The following ZNF560 variants were observed in gnomAD, a reference collection of about 807,000 sequenced individuals.
ZNF560 encodes the protein zinc finger protein 560.
A neutral mutation model predicts 81.8 loss-of-function variants in ZNF560; 54 were observed. The ratio of observed to expected loss-of-function variants is 0.66; its 90% confidence interval spans 0.53 to 0.83. ZNF560 has a LOEUF of 0.83. ZNF560 is among the 40% of genes least tolerant of loss of function. ZNF560 has a pLI of 0.00. For synonymous variants in ZNF560, 321 were observed against 317.9 expected, an observed-to-expected ratio of 1.01 and a Z score of -0.10; for missense variants, 940 against 932.4, an observed-to-expected ratio of 1.01 and a Z score of -0.11.
chr19:9,453,933 A>G, the ZNF560 span, among the ~76,000 whole-genome samples: 2 of 152,250 alleles, frequency 1.3e-5, no homozygotes, highest in Non-Finnish European at 2.9e-5. Flanking sequence ...GCCTGGACAT[A>G]AACAGGCCAT....
chr19:9,450,394 C>G, the ZNF560 span, among the ~76,000 whole-genome samples: 2 of 152,090 alleles, frequency 1.3e-5, 1 homozygote, highest in Non-Finnish European at 2.9e-5. Flanking sequence ...AAAAGGCACG[C>G]AAATAGGACT....
intron 2 of ZNF560, among the ~76,000 whole-genome samples, chr19:9,481,480 C>G (rs1477711428): frequency 1.3e-5 from 2 of 152,174 alleles, no homozygotes; most frequent in African/African-American, 4.8e-5. Context: ...TCAGAGTGAA[C>G]AGGCAACCTA....
the ZNF560 span, among the ~76,000 whole-genome samples, chr19:9,456,677 T>C: frequency 1.3e-5 from 2 of 152,218 alleles, no homozygotes; most frequent in South Asian, 4.1e-4. Context: ...TTTAACATAG[T>C]TGGAGTTGAT....
chr19:9,467,383 C>T lies in ZNF560; in HGVS notation c.1564G>A (p.Gly522Arg), dbSNP rs2073042850. 1.9e-6 allele frequency: 3 copies of T among 1,614,042 alleles called. No homozygotes were observed. The highest frequency in any genetic ancestry group is 2.7e-5 in the African/African-American group (2 of 74,918). The change falls in exon 10 of 10, where the codon GGG (glycine) becomes AGG (arginine). Residue 522 changes from glycine to arginine, a missense_variant. Transcript: ENST00000301480. ...GEKPFKCYKC[G>R]KPFTSSACLR... ...CAGGCAGAAGAGGTAAATGGTTTCC[C>T]ACATTTGTAACACTTAAAGGGCTTC...
chr19:9,451,806 G>A, the ZNF560 span, among the ~76,000 whole-genome samples: 3 of 152,274 alleles, frequency 2.0e-5, no homozygotes, highest in South Asian at 2.1e-4. Flanking sequence ...TTGGCGCAGT[G>A]TCTCACACCT....
downstream of ZNF560, among the ~76,000 whole-genome samples, chr19:9,462,187 A>C (rs1373461424): frequency 6.6e-6 from 1 of 152,234 alleles, no homozygotes; most frequent in African/African-American, 2.4e-5. Context: ...AGATCTCTGC[A>C]GCACTGTGAC....
chr19:9,464,016 G>C (rs766002459), downstream of ZNF560, among the ~76,000 whole-genome samples: 1 of 152,160 alleles, frequency 6.6e-6, no homozygotes, highest in African/African-American at 2.4e-5. Flanking sequence ...TGAAGCTTTG[G>C]ATTACCATTA....
At chr19:9,458,991 C>A in the ZNF560 span, among the ~76,000 whole-genome samples, 2 of 152,210 alleles carry the variant, frequency 1.3e-5, no homozygotes, top group African/African-American at 4.8e-5. Flanking sequence ...CTGTGTTAAA[C>A]ATCACCTTTT....
chr19:9,469,746 T>C (rs1222334197), intron 7 of ZNF560, 36 bp from the exon 8 acceptor site: 2 of 1,596,242 alleles, frequency 1.3e-6, no homozygotes, highest in Admixed American at 3.3e-5. Context: ...TGGAAGAGGC[T>C]CATGCAAGAA....
chr19:9,468,052 T>C lies in ZNF560; in HGVS notation c.895A>G (p.Lys299Glu), dbSNP rs2073059688. ...AGGTATGACTGATAAATGAAGGCTT[T>C]CCCATAGTCAGTGCCTTCAAAGGAT... ...DKSFEGTDYG[K>E]AFIYQSYLEA... The change falls in exon 10 of 10, where the codon AAA becomes GAA. Residue 299 changes from lysine to glutamate, a missense_variant. Lys to Glu is a moderately conservative substitution (Grantham distance 56). Coordinates refer to ENST00000301480, the MANE Select transcript of ZNF560 (RefSeq NM_152476.3). 1 of 1,614,234 alleles carries C rather than the reference T, an allele frequency of 6.2e-7. No homozygotes were observed. Among genetic ancestry groups the C allele is most frequent in the Non-Finnish European group, 8.5e-7 (1 of 1,180,040 alleles).
At chr19:9,479,289 G>C (rs1264852714) in intron 2 of ZNF560, among the ~76,000 whole-genome samples, 2 of 150,868 alleles carry the variant, frequency 1.3e-5, no homozygotes, top group Non-Finnish European at 2.9e-5. Context: ...TTCAAAGACA[G>C]AATGGCCAAG....
At chr19:9,459,944 T>G in the ZNF560 span, among the ~76,000 whole-genome samples, 1 of 151,992 alleles carries the variant, frequency 6.6e-6, no homozygotes, top group Non-Finnish European at 1.5e-5. Context: ...CTCTTTTACA[T>G]TATGTCAGAC....
chr19:9,469,558 T>G lies in ZNF560; in HGVS notation c.529+72A>C. 5.7e-6 allele frequency: 8 copies of G among 1,408,496 alleles called. No individual in the cohort carries two copies. The South Asian group carries it at 9.2e-5, about 16-fold the overall frequency. 87.2% of individuals were successfully genotyped at this position (1,408,496 alleles called of 1,614,324 possible). On this transcript the variant is annotated intron_variant, in intron 8 of 9. Coordinates refer to ENST00000301480, the MANE Select transcript of ZNF560 (RefSeq NM_152476.3). Reference sequence around the variant, plus strand: ...GCCTTCTGATTCAAAGGGCATCTTATAAAACTTCATTGTGCTTCCAAACGT... The same window carrying G: ...GCCTTCTGATTCAAAGGGCATCTTAGAAAACTTCATTGTGCTTCCAAACGT...
intron 7 of ZNF560, 26 bp downstream of exon 7, chr19:9,470,366 G>A (rs761871126): frequency 1.1e-5 from 17 of 1,589,582 alleles, no homozygotes; most frequent in Non-Finnish European, 1.4e-5. Context: ...TCCAGAATAG[G>A]CTACAAGGGA....
At chr19:9,445,919 T>C in the ZNF560 span, among the ~76,000 whole-genome samples, 1 of 152,132 alleles carries the variant, frequency 6.6e-6, no homozygotes, top group Non-Finnish European at 1.5e-5. Flanking sequence ...ACATTCCAGC[T>C]CTCAAAGTCT....
chr19:9,480,797 T>C (rs1324024948), intron 2 of ZNF560, among the ~76,000 whole-genome samples: 1 of 151,934 alleles, frequency 6.6e-6, no homozygotes, highest in Admixed American at 6.6e-5. Context: ...CTTTCAAAAA[T>C]AGCTGGGACT....
the ZNF560 span, among the ~76,000 whole-genome samples, chr19:9,461,135 A>G: frequency 2.6e-5 from 4 of 152,222 alleles, no homozygotes; most frequent in Non-Finnish European, 4.4e-5. Flanking sequence ...GAAGGAAAAT[A>G]TACTATGCCA....
At chr19:9,451,302 A>G in the ZNF560 span, among the ~76,000 whole-genome samples, 4 of 152,176 alleles carry the variant, frequency 2.6e-5, no homozygotes, top group Admixed American at 1.3e-4. Context: ...ATCAAGGTTA[A>G]AAAATAAAAG....
chr19:9,469,291 A>T (rs1230645810), intron 8 of ZNF560, 104 bp from the exon 9 acceptor site: 1 of 864,464 alleles, frequency 1.2e-6, no homozygotes, highest in African/African-American at 1.7e-5. Flanking sequence ...AAAATTTGGC[A>T]ATCATATGGG....
Sources: allele counts gnomAD v4.1 joint callset (sites outside exome capture counted in the v4.1 genomes callset), GRCh38; gene constraint gnomAD v4.1.1; transcripts MANE v1.5; gene names NCBI Gene and HGNC (gene_info 2026-07-23, HGNC 2026-07-21).